Variants in FAM174A observed in about 807,000 individuals in gnomAD.
The protein encoded by FAM174A is family with sequence similarity 174 member A.
FAM174A carries 14 observed loss-of-function variants against 14.3 expected under a neutral mutation model. The observed-to-expected ratio is 0.98, with a 90% CI of 0.65 to 1.53. The LOEUF is 1.53. FAM174A is among the 40% of genes most tolerant of loss of function. The probability of loss-of-function intolerance (pLI) is 0.00; values close to 1 mark genes in which losing one functional copy is unlikely to be tolerated. For missense variants in FAM174A, 241 were observed against 249.6 expected, an observed-to-expected ratio of 0.97 and a Z score of 0.23; for synonymous variants, 108 against 111.4, an observed-to-expected ratio of 0.97 and a Z score of 0.19.
chr5:100,569,378 A>AT (rs1746728989), intron 2 of FAM174A, among the ~76,000 whole-genome samples: 1 of 123,122 alleles, frequency 8.1e-6, no homozygotes. Context: ...ATATTACTCT[A>AT]TAGAGGCTAT....
At chr5:100,577,253 A>G (rs773013735) in intron 2 of FAM174A, among the ~76,000 whole-genome samples, 6 of 152,206 alleles carry the variant, frequency 3.9e-5, no homozygotes, top group Non-Finnish European at 8.8e-5. Flanking sequence ...TTAAATAATA[A>G]TTTTATAATG....
At chr5:100,571,734 G>A (rs1224238158) in intron 2 of FAM174A, among the ~76,000 whole-genome samples, 2 of 146,838 alleles carry the variant, frequency 1.4e-5, no homozygotes, top group Non-Finnish European at 3.0e-5. Context: ...TTATTATAAA[G>A]TAATAGAAAG....
At chr5:100,544,854 T>C (rs1746133265) in intron 1 of FAM174A, among the ~76,000 whole-genome samples, 1 of 152,230 alleles carries the variant, frequency 6.6e-6, no homozygotes, top group Admixed American at 6.5e-5. Context: ...GAGATGCTTC[T>C]GGTTAGTTAT....
intron 2 of FAM174A, among the ~76,000 whole-genome samples, chr5:100,569,878 C>T (rs1446925588): frequency 6.6e-6 from 1 of 151,526 alleles, no homozygotes; most frequent in Non-Finnish European, 1.5e-5. Context: ...ATGAAGGAGT[C>T]TTAGATATGG....
intron 2 of FAM174A, among the ~76,000 whole-genome samples, chr5:100,575,817 A>G (rs920004267): frequency 3.3e-5 from 5 of 152,126 alleles, no homozygotes; most frequent in African/African-American, 1.2e-4. Flanking sequence ...GAATCTACAA[A>G]GAACTCAAAC....
At chr5:100,570,125 G>C (rs1746748199) in intron 2 of FAM174A, among the ~76,000 whole-genome samples, 1 of 151,678 alleles carries the variant, frequency 6.6e-6, no homozygotes, top group Non-Finnish European at 1.5e-5. Context: ...TTTTTTCAGA[G>C]TCTAAAACAC....
intron 1 of FAM174A, among the ~76,000 whole-genome samples, chr5:100,543,060 C>T (rs1471608201): frequency 6.6e-6 from 1 of 152,060 alleles, no homozygotes; most frequent in Non-Finnish European, 1.5e-5. Flanking sequence ...CACTACTGCA[C>T]TCCACCTTTC....
intron 2 of FAM174A, among the ~76,000 whole-genome samples, chr5:100,566,141 GAT>G (rs60895683): frequency 0.015 from 1,209 of 81,782 alleles, 29 homozygotes; most frequent in African/African-American, 0.039. Context: ...TGAAAAGTAT[GAT>G]ATATATATAT....
At chr5:100,579,465 C>T (rs1261637263) in intron 2 of FAM174A, among the ~76,000 whole-genome samples, 3 of 152,050 alleles carry the variant, frequency 2.0e-5, no homozygotes, top group African/African-American at 7.3e-5. Context: ...GGTCTTGTCA[C>T]CCAGGCTGGA....
intron 2 of FAM174A, among the ~76,000 whole-genome samples, chr5:100,576,640 G>C (rs1009294715): frequency 6.6e-6 from 1 of 152,092 alleles, no homozygotes; most frequent in African/African-American, 2.4e-5. Flanking sequence ...AGGTGGAATG[G>C]ATATTGAGTA....
At chr5:100,560,029 T>A (rs959036736) in intron 1 of FAM174A, among the ~76,000 whole-genome samples, 51 of 152,164 alleles carry the variant, frequency 3.4e-4, no homozygotes, top group African/African-American at 1.2e-3. Context: ...GCACTCTGAT[T>A]TTTAGAGTTT....
At chr5:100,552,626 T>C (rs1746287169) in intron 1 of FAM174A, among the ~76,000 whole-genome samples, 1 of 152,154 alleles carries the variant, frequency 6.6e-6, no homozygotes, top group African/African-American at 2.4e-5. Context: ...TTTATTCTGT[T>C]GTGTTTATTT....
intron 2 of FAM174A, among the ~76,000 whole-genome samples, chr5:100,585,010 A>G (rs1580381168): frequency 6.6e-6 from 1 of 152,222 alleles, no homozygotes; most frequent in Admixed American, 6.5e-5. Context: ...AGTAGAAACT[A>G]TGCGAGAATC....
chr5:100,581,614 T>A (rs1747018920), intron 2 of FAM174A, among the ~76,000 whole-genome samples: 1 of 152,160 alleles, frequency 6.6e-6, no homozygotes. Context: ...TAATTCTTGA[T>A]AAGTTAAAAA....
chr5:100,573,147 T>A (rs1027931661), intron 2 of FAM174A, among the ~76,000 whole-genome samples: 24 of 152,328 alleles, frequency 1.6e-4, no homozygotes, highest in Non-Finnish European at 3.2e-4. Context: ...AGATTCTGGA[T>A]ATTAGCCCTT....
chr5:100,572,902 C>T (rs1255610257), intron 2 of FAM174A, among the ~76,000 whole-genome samples: 1 of 152,174 alleles, frequency 6.6e-6, no homozygotes, highest in African/African-American at 2.4e-5. Flanking sequence ...TCCACATCCT[C>T]TCCAGCACCT....
At chr5:100,580,171 G>A (rs890586051) in intron 2 of FAM174A, among the ~76,000 whole-genome samples, 2 of 152,094 alleles carry the variant, frequency 1.3e-5, no homozygotes, top group African/African-American at 4.8e-5. Context: ...ACAGCCAATG[G>A]CAACTATGTA....
chr5:100,568,671 A>G (rs1428679612), intron 2 of FAM174A, among the ~76,000 whole-genome samples: 2 of 151,312 alleles, frequency 1.3e-5, no homozygotes, highest in South Asian at 4.2e-4. Context: ...TTATAATAAA[A>G]CTGAATTAGT....
At chr5:100,565,058 G>C (rs1014988339) in intron 2 of FAM174A, among the ~76,000 whole-genome samples, 12 of 151,270 alleles carry the variant, frequency 7.9e-5, no homozygotes, top group African/African-American at 2.7e-4. Flanking sequence ...GCCAGACGAA[G>C]GAAAGCAAAC....
Sources: allele counts gnomAD v4.1 joint callset (sites outside exome capture counted in the v4.1 genomes callset), GRCh38; gene constraint gnomAD v4.1.1; transcripts MANE v1.5; gene names NCBI Gene and HGNC (gene_info 2026-07-23, HGNC 2026-07-21).